ATP8A2: variants seen among roughly 807,000 people sequenced by gnomAD.
ATP8A2 encodes the protein phospholipid-transporting ATPase IB.
In ATP8A2, 100 loss-of-function variants were observed where a neutral mutation model predicts 165.6. That is an observed-to-expected ratio of 0.60 (90% CI 0.51 to 0.71). ATP8A2 has a LOEUF of 0.71. ATP8A2 is among the 30% of genes least tolerant of loss of function. ATP8A2 has a pLI of 0.00. For missense variants in ATP8A2, 1,227 were observed against 1,479.5 expected (o/e 0.83, Z 2.80); for synonymous variants, 543 against 548.8 (o/e 0.99, Z 0.15).
intron 1 of ATP8A2, among the ~76,000 whole-genome samples, chr13:25,391,532 G>C (rs2033246658): frequency 6.6e-6 from 1 of 152,208 alleles, no homozygotes; most frequent in African/African-American, 2.4e-5. Flanking sequence ...CAGCAAGAAA[G>C]GTGAAGCTAA....
At chr13:25,412,257 G>A (rs112369067) in intron 1 of ATP8A2, among the ~76,000 whole-genome samples, 1 of 152,150 alleles carries the variant, frequency 6.6e-6, no homozygotes. Flanking sequence ...TTAATGATGG[G>A]CAGCAGTTTA....
chr13:25,631,715 G>T (rs749785853), intron 24 of ATP8A2, among the ~76,000 whole-genome samples: 8 of 152,022 alleles, frequency 5.3e-5, no homozygotes, highest in Non-Finnish European at 7.4e-5. Flanking sequence ...ACAATGTTTT[G>T]CAGGGGTATT....
intron 35 of ATP8A2, among the ~76,000 whole-genome samples, chr13:26,009,589 G>C (rs182303294): frequency 4.7e-4 from 71 of 152,276 alleles, no homozygotes; most frequent in African/African-American, 1.7e-3. Context: ...GTTAGCCTTG[G>C]ATGGAGGCCT....
chr13:25,389,938 G>A (rs2033185304), intron 1 of ATP8A2, among the ~76,000 whole-genome samples: 1 of 152,198 alleles, frequency 6.6e-6, no homozygotes, highest in African/African-American at 2.4e-5. Context: ...AGTGGTCATG[G>A]TCAACTTTTA....
rs1185849518 is a variant in ATP8A2 at position 25,528,742 on chromosome 13, C to CA, written c.222-1257_222-1256insA. Among the ~76,000 whole-genome samples the CA allele has an allele frequency of 5.2e-3, 764 of 145,556 alleles. 47 individuals are homozygous for CA. Among genetic ancestry groups the CA allele is most frequent in the Non-Finnish European group, 7.0e-3 (451 of 64,814 alleles). ...TTGTTACATATGCATACATATGCAA[C>CA]TTGTGTATGCATACATATGCAACAT... On this transcript the variant is annotated intron_variant, in intron 2 of 36. Transcript: ENST00000381655.
At chr13:25,682,274 G>A (rs1480230085) in intron 24 of ATP8A2, among the ~76,000 whole-genome samples, 1 of 151,884 alleles carries the variant, frequency 6.6e-6, no homozygotes, top group Non-Finnish European at 1.5e-5. Context: ...CCTGTTAATC[G>A]GATCGTGCCT....
intron 6 of ATP8A2, 74 bp downstream of exon 6, chr13:25,533,387 A>G (rs2038178246): frequency 3.6e-6 from 3 of 844,672 alleles, no homozygotes; most frequent in Non-Finnish European, 5.9e-6. Flanking sequence ...TCTTGATTGC[A>G]GTATAAAGTT....
chr13:25,831,406 G>A (rs1014680690), intron 28 of ATP8A2, among the ~76,000 whole-genome samples: 6 of 151,804 alleles, frequency 4.0e-5, no homozygotes, highest in African/African-American at 1.5e-4. Context: ...GTAGAGATGA[G>A]GTTTCACTGT....
rs529499287 is a variant in ATP8A2 at position 26,008,683 on chromosome 13, A to C, written c.3378-3848A>C. Among the ~76,000 whole-genome samples, 8 of 152,354 alleles carry C rather than the reference A, an allele frequency of 5.3e-5. No homozygotes were observed. The South Asian group carries it at 8.3e-4, about 16-fold the overall frequency. On this transcript the variant is annotated intron_variant, in intron 35 of 36. Transcript: ENST00000381655. ...CATGAAACTACAGCCCATCAAAGAC[A>C]AAGGGAATTATTGTAAAAGCAACCA...
intron 1 of ATP8A2, among the ~76,000 whole-genome samples, chr13:25,399,788 CTCT>C (rs1160689080): frequency 7.3e-5 from 11 of 149,906 alleles, no homozygotes; most frequent in South Asian, 2.1e-4. Flanking sequence ...CTGCTTCCTC[CTCT>C]TCTTCTTTCT....
chr13:25,902,577 A>C (rs1275054634), intron 33 of ATP8A2, among the ~76,000 whole-genome samples: 1 of 151,934 alleles, frequency 6.6e-6, no homozygotes, highest in Non-Finnish European at 1.5e-5. Flanking sequence ...ATTTAAAAAA[A>C]AAAAAACAAA....
intron 24 of ATP8A2, among the ~76,000 whole-genome samples, chr13:25,680,202 G>C (rs1311932562): frequency 1.3e-5 from 2 of 152,132 alleles, no homozygotes; most frequent in East Asian, 1.9e-4. Flanking sequence ...TTTGGAAATA[G>C]AATCATGGCA....
rs183407249 is a variant in ATP8A2 at position 25,717,519 on chromosome 13, A to C, written c.2384+18174A>C. 7.9e-5 allele frequency among the ~76,000 whole-genome samples: 12 copies of C among 152,152 alleles called. 1 individual carries two copies. Among genetic ancestry groups the C allele is most frequent in the Admixed American group, 7.8e-4 (12 of 15,296 alleles). ...GGTCAAGTCACTTACCCTAGATCAC[A>C]AAACTATGAAACTGGGTAAGTGGTG... On this transcript the variant is annotated intron_variant, in intron 25 of 36. Transcript: ENST00000381655.
At chr13:25,741,126 C>T (rs532342302) in intron 25 of ATP8A2, among the ~76,000 whole-genome samples, 21 of 152,198 alleles carry the variant, frequency 1.4e-4, no homozygotes, top group African/African-American at 4.1e-4. Flanking sequence ...TTAGTTTTAT[C>T]GGAAAAATCT....
intron 24 of ATP8A2, among the ~76,000 whole-genome samples, chr13:25,697,394 C>T (rs1335123159): frequency 6.6e-6 from 1 of 152,178 alleles, no homozygotes; most frequent in Non-Finnish European, 1.5e-5. Context: ...ATTCTCCTGC[C>T]TCAGACTCCT....
chr13:26,001,238 A>G (rs1292818430), intron 35 of ATP8A2, among the ~76,000 whole-genome samples: 3 of 152,192 alleles, frequency 2.0e-5, no homozygotes, highest in Non-Finnish European at 4.4e-5. Context: ...TGGCTGAATA[A>G]TTCTCCATTG....
chr13:25,771,352 C>A (rs192989203), intron 26 of ATP8A2, among the ~76,000 whole-genome samples: 3 of 152,210 alleles, frequency 2.0e-5, no homozygotes, highest in Non-Finnish European at 4.4e-5. Context: ...GGGACTCGCA[C>A]TTCCTGTAGT....
chr13:25,599,734 C>T (rs951403137), intron 24 of ATP8A2, among the ~76,000 whole-genome samples: 2 of 152,172 alleles, frequency 1.3e-5, no homozygotes, highest in African/African-American at 4.8e-5. Flanking sequence ...CCTCTGGGTT[C>T]CAGGGACGAG....
chr13:25,724,578 A>G (rs2043453230), intron 25 of ATP8A2, among the ~76,000 whole-genome samples: 1 of 152,232 alleles, frequency 6.6e-6, no homozygotes, highest in Non-Finnish European at 1.5e-5. Flanking sequence ...ACTGTTTTCA[A>G]AAATACCCAG....
Sources: allele counts gnomAD v4.1 joint callset (sites outside exome capture counted in the v4.1 genomes callset), GRCh38; gene constraint gnomAD v4.1.1; transcripts MANE v1.5; gene names NCBI Gene and HGNC (gene_info 2026-07-23, HGNC 2026-07-21).